The following P2RX1 variants were observed in gnomAD, a reference collection of about 807,000 sequenced individuals.
P2RX1 encodes the protein P2X purinoceptor 1.
P2RX1 carries 42 observed loss-of-function variants against 50.3 expected under a neutral mutation model. That is an observed-to-expected ratio of 0.83 (90% CI 0.65 to 1.08). The LOEUF is 1.08. Ranked by LOEUF, P2RX1 falls within the 50% of genes least tolerant of loss-of-function variation. P2RX1 has a pLI of 0.00. For synonymous variants in P2RX1, 199 were observed against 202.6 expected (o/e 0.98, Z 0.15); for missense variants, 449 against 529.0 (o/e 0.85, Z 1.48).
intron 7 of P2RX1, among the ~76,000 whole-genome samples, chr17:3,900,138 T>C (rs1475598273): frequency 6.7e-6 from 1 of 148,608 alleles, no homozygotes; most frequent in Non-Finnish European, 1.5e-5. Flanking sequence ...TCACAGCTGG[T>C]ACACGCACTC....
In P2RX1 at chr17:3,899,669, G is replaced by T. The variant is rs144076351; in HGVS notation, c.840C>A (p.Tyr280Ter). ...AGCCTGGGGAGAGATTTTTCTCTTCGTACAGCCCATGGAACTCATAGATGG... is the reference window on the plus strand; with the variant it reads ...AGCCTGGGGAGAGATTTTTCTCTTCTTACAGCCCATGGAACTCATAGATGG... ...CRPIYEFHGL[Y>*]EEKNLSPGFN... is the part of the protein sequence containing the mutation. Residue 280 changes from tyrosine to a stop codon, truncating the protein, a stop_gained, in exon 8 of 12, where the codon TAC becomes TAA. Coordinates refer to ENST00000225538, the MANE Select transcript of P2RX1 (RefSeq NM_002558.4). LOFTEE classifies it high-confidence loss of function. 1 of 1,613,798 alleles carries T rather than the reference G, an allele frequency of 6.2e-7. No homozygotes were observed. The highest frequency in any genetic ancestry group is 1.7e-5 in the Admixed American group (1 of 59,996).
intron 1 of P2RX1, among the ~76,000 whole-genome samples, chr17:3,910,037 C>T (rs1217681232): frequency 2.9e-5 from 4 of 138,012 alleles, no homozygotes; most frequent in South Asian, 2.3e-4. Context: ...TGCAATGAGG[C>T]GATCTAGGCT....
At chr17:3,907,427 GCTCAC>G (rs1355809148) in intron 1 of P2RX1, among the ~76,000 whole-genome samples, 3 of 151,776 alleles carry the variant, frequency 2.0e-5, no homozygotes, top group Non-Finnish European at 4.4e-5. Flanking sequence ...CCTACCCCGA[GCTCAC>G]CTGTCCAAGG....
intron 10 of P2RX1, 40 bp from the exon 11 acceptor site, chr17:3,898,150 G>C (rs370664708): frequency 6.4e-7 from 1 of 1,557,064 alleles, no homozygotes; most frequent in Non-Finnish European, 8.9e-7. Flanking sequence ...GTGGGAATCC[G>C]GGGGTGGGTA....
chr17:3,907,698 T>C lies in P2RX1; in HGVS notation c.138-2331A>G, dbSNP rs570857818. Among the ~76,000 whole-genome samples the C allele has an allele frequency of 8.5e-4, 130 of 152,294 alleles. 1 individual carries two copies. The highest frequency in any genetic ancestry group is 3.0e-3 in the African/African-American group (123 of 41,560). ...ACTGCTGTCCCCTGCAGGTCCCAGA[T>C]AGCAACAGGTGGAGGCATGACAAAG... is the stretch of plus-strand genomic sequence containing the variant. On this transcript the variant is annotated intron_variant, in intron 1 of 11. Coordinates refer to ENST00000225538, the MANE Select transcript of P2RX1 (RefSeq NM_002558.4).
Position 3,898,549 on chromosome 17 carries a change from C to G in P2RX1, c.967G>C (p.Ala323Pro). The G allele has an allele frequency of 2.5e-6, 4 of 1,613,488 alleles. No individual in the cohort carries two copies. The highest frequency in any genetic ancestry group is 3.4e-6 in the Non-Finnish European group (4 of 1,179,468). ...IRFDILVDGK[A>P]GKFDIIPTMT... ...GTAGGGATGATGTCAAACTTCCCGGCCTGGTGGCAGGACCCAGGGAGAGAA... is the reference window on the plus strand; with the variant it reads ...GTAGGGATGATGTCAAACTTCCCGGGCTGGTGGCAGGACCCAGGGAGAGAA... Residue 323 changes from alanine (A) to proline (P), a missense_variant and splice_region_variant, in exon 10 of 12, where the codon GCC becomes CCC. Ala to Pro is a conservative substitution (Grantham distance 27, BLOSUM62 -1). Coordinates refer to ENST00000225538, the MANE Select transcript of P2RX1 (RefSeq NM_002558.4).
rs200497827 is a variant in P2RX1, at chr17:3,897,864, C to T, written c.1150G>A (p.Ala384Thr). The T allele has an allele frequency of 5.0e-5, 80 of 1,613,744 alleles. No individual in the cohort carries two copies. Among genetic ancestry groups the T allele is most frequent in the South Asian group, 4.2e-4 (38 of 91,068 alleles). The change falls in exon 12 of 12, where the codon GCA (alanine) becomes ACA (threonine). Residue 384 changes from alanine to threonine, a missense_variant. Ala to Thr is a moderately conservative substitution (Grantham distance 58). Coordinates refer to ENST00000225538, the MANE Select transcript of P2RX1 (RefSeq NM_002558.4). Reference sequence around the variant, plus strand: ...AGGCCCAGGGTGGAGCTGGTAGCTGCGAGGTCACGCTCAGCCTGTGTACGT... The same window carrying T: ...AGGCCCAGGGTGGAGCTGGTAGCTGTGAGGTCACGCTCAGCCTGTGTACGT... ...MGPGAAERDL[A>T]ATSSTLGLQE...
intron 3 of P2RX1, 21 bp from the exon 4 acceptor site, chr17:3,904,420 T>C (rs745954672): frequency 6.2e-7 from 1 of 1,609,706 alleles, no homozygotes; most frequent in Non-Finnish European, 8.5e-7. Context: ...CAAAAGCTGC[T>C]GGTCCCAGGC....
intron 3 of P2RX1, 62 bp from the exon 4 acceptor site, chr17:3,904,461 C>T (rs995976768): frequency 2.6e-5 from 37 of 1,437,730 alleles, no homozygotes; most frequent in Non-Finnish European, 3.3e-5. Context: ...AAGAGCCCCT[C>T]TCCCCACCCC....
intron 3 of P2RX1, 72 bp from the exon 4 acceptor site, chr17:3,904,471 C>A (rs1043092750): frequency 1.4e-5 from 19 of 1,353,616 alleles, no homozygotes; most frequent in Non-Finnish European, 2.0e-5. Flanking sequence ...CTCCCCACCC[C>A]CCAGGGCCCT....
At chr17:3,898,168 C>T in intron 10 of P2RX1, 58 bp from the exon 11 acceptor site, 3 of 1,400,456 alleles carry the variant, frequency 2.1e-6, no homozygotes, top group Non-Finnish European at 2.0e-6. Flanking sequence ...GTACGGAGCC[C>T]TCCACATCCC....
Position 3,899,722 on chromosome 17 carries a change from G to C in P2RX1, c.787C>G (p.Leu263Val), listed in dbSNP as rs1490477117. The C allele has an allele frequency of 1.2e-6, 2 of 1,614,000 alleles. No individual in the cohort carries two copies. Among genetic ancestry groups the C allele is most frequent in the Admixed American group, 3.3e-5 (2 of 60,022 alleles). ...CTGCAGTGCCGTACGTGCCAGTCCA[G>C]GTCACAGTGCCAGTCGATGGTGATG... ...VGITIDWHCD[L>V]DWHVRHCRPI... The change falls in exon 8 of 12, where the codon CTG becomes GTG. Residue 263 changes from leucine (L) to valine (V), a missense_variant. Transcript: ENST00000225538.
At chr17:3,898,795 A>T in intron 9 of P2RX1, 139 bp downstream of exon 9, 1 of 813,116 alleles carries the variant, frequency 1.2e-6, no homozygotes, top group Non-Finnish European at 2.2e-6. Context: ...GACATGCCCC[A>T]TGACCATCTG....
rs531967999 is a variant in P2RX1, at chr17:3,901,903, T to G, written c.747+1299A>C. ...GGCGACCCCACGAGACTGGCACCAT[T>G]ATTGCCCCCCGTCGGTGGGTCCAAA... On this transcript the variant is annotated intron_variant, in intron 7 of 11. Coordinates refer to ENST00000225538, the MANE Select transcript of P2RX1 (RefSeq NM_002558.4). Among the ~76,000 whole-genome samples the G allele has an allele frequency of 2.6e-5, 4 of 152,210 alleles. No homozygotes were observed. In the South Asian group the frequency reaches 6.2e-4, roughly 24 times the overall value.
chr17:3,913,307 A>T (rs1337972427), intron 1 of P2RX1, among the ~76,000 whole-genome samples: 4 of 151,954 alleles, frequency 2.6e-5, no homozygotes, highest in Non-Finnish European at 5.9e-5. Context: ...TTCTATTTTT[A>T]GTAGAGACGG....
chr17:3,900,385 C>CA (rs1242919320), intron 7 of P2RX1, among the ~76,000 whole-genome samples: 1 of 151,570 alleles, frequency 6.6e-6, no homozygotes, highest in Admixed American at 6.6e-5. Flanking sequence ...ACCCGAGAGA[C>CA]AGAGGTTGCA....
chr17:3,904,671 C>T, intron 3 of P2RX1, 187 bp downstream of exon 3: 1 of 635,924 alleles, frequency 1.6e-6, no homozygotes, highest in Non-Finnish European at 2.8e-6. Context: ...ACACCGTGTG[C>T]TGGGCGGGAA....
intron 7 of P2RX1, among the ~76,000 whole-genome samples, chr17:3,901,728 G>A (rs57779263): frequency 0.041 from 6,318 of 152,280 alleles, 460 homozygotes; most frequent in African/African-American, 0.14. Flanking sequence ...ACTAATAAGG[G>A]ACACGTGCTG....
chr17:3,907,328 T>TGTGTGTGTGTGTGTGTGTG (rs1555548651), intron 1 of P2RX1, among the ~76,000 whole-genome samples: 5 of 148,742 alleles, frequency 3.4e-5, no homozygotes, highest in Admixed American at 6.7e-5. Flanking sequence ...TGTGTGTGTG[T>TGTGTGTGTGTGTGTGTGTG]TGGGGTATGG....
Sources: allele counts gnomAD v4.1 joint callset (sites outside exome capture counted in the v4.1 genomes callset), GRCh38; gene constraint gnomAD v4.1.1; transcripts MANE v1.5; gene names NCBI Gene and HGNC (gene_info 2026-07-23, HGNC 2026-07-21).